Variants in PCDH11Y observed in about 807,000 individuals in gnomAD.
PCDH11Y encodes protocadherin 11 Y-linked, also known as protocadherin-11 Y-linked.
For synonymous variants in PCDH11Y, 9 were observed against 83.6 expected, an observed-to-expected ratio of 0.11 and a Z score of 4.87; for missense variants, 12 against 224.8, an observed-to-expected ratio of 0.05 and a Z score of 6.05.
intron 2 of PCDH11Y, among the ~76,000 whole-genome samples, chrY:5,407,808 G>A: frequency 6.6e-5 from 2 of 30,378 alleles, no homozygotes; most frequent in African/African-American, 1.3e-4. Context: ...CCAGCTACTC[G>A]GGAGGCTGAG....
At chrY:5,292,665 A>G in intron 2 of PCDH11Y, among the ~76,000 whole-genome samples, 3 of 33,403 alleles carry the variant, frequency 9.0e-5, no homozygotes, top group Non-Finnish European at 1.5e-4. Flanking sequence ...AGATTAGTAA[A>G]TTTTGATTAT....
At chrY:5,492,675 C>T (rs2053340010) in intron 2 of PCDH11Y, among the ~76,000 whole-genome samples, 14 of 25,444 alleles carry the variant, frequency 5.5e-4, no homozygotes, top group Admixed American at 1.2e-3. Flanking sequence ...CTCCCCACAA[C>T]TCCACCCACA....
chrY:5,280,964 G>T (rs2053053129), intron 2 of PCDH11Y, among the ~76,000 whole-genome samples: 15 of 31,041 alleles, frequency 4.8e-4, no homozygotes, highest in Admixed American at 4.1e-3. Context: ...TGTTTGTGTG[G>T]TTTTTTTTTG....
intron 2 of PCDH11Y, among the ~76,000 whole-genome samples, chrY:5,273,875 G>GT (rs2053040716): frequency 6.0e-5 from 2 of 33,477 alleles, no homozygotes; most frequent in Non-Finnish European, 1.5e-4. Context: ...AAAACATTTT[G>GT]TTTTTTTCTC....
At chrY:5,416,562 G>A in intron 2 of PCDH11Y, among the ~76,000 whole-genome samples, 1 of 32,839 alleles carries the variant, frequency 3.0e-5, no homozygotes, top group Non-Finnish European at 7.4e-5. Context: ...CTGCTCTCGT[G>A]TGTAACGGAG....
At chrY:5,426,864 C>A (rs2053263727) in intron 2 of PCDH11Y, among the ~76,000 whole-genome samples, 1 of 33,213 alleles carries the variant, frequency 3.0e-5, no homozygotes, top group South Asian at 6.5e-4. Context: ...GTAGAAATGG[C>A]AAGCATTTAC....
At chrY:5,705,941 T>G in intron 4 of PCDH11Y, among the ~76,000 whole-genome samples, 1 of 33,068 alleles carries the variant, frequency 3.0e-5, no homozygotes, top group East Asian at 7.7e-4. Flanking sequence ...TTGTACCACA[T>G]TTAACTAAAC....
intron 2 of PCDH11Y, among the ~76,000 whole-genome samples, chrY:5,280,871 A>AT (rs2053052889): frequency 6.1e-5 from 2 of 32,907 alleles, no homozygotes; most frequent in South Asian, 6.8e-4. Flanking sequence ...GATTTTGATC[A>AT]TTTTTTTCAT....
intron 4 of PCDH11Y, among the ~76,000 whole-genome samples, chrY:5,660,261 C>G (rs2124707114): frequency 3.1e-5 from 1 of 32,008 alleles, no homozygotes; most frequent in African/African-American, 1.2e-4. Flanking sequence ...TCTTAGCTGC[C>G]CTAGCTGGTG....
intron 2 of PCDH11Y, among the ~76,000 whole-genome samples, chrY:5,124,693 G>C: frequency 9.3e-5 from 3 of 32,090 alleles, no homozygotes; most frequent in African/African-American, 3.7e-4. Context: ...GATGAGTTCT[G>C]ATCTCCATAT....
intron 3 of PCDH11Y, among the ~76,000 whole-genome samples, chrY:5,543,430 C>A (rs2053409853): frequency 1.2e-4 from 4 of 34,424 alleles, no homozygotes; most frequent in African/African-American, 4.5e-4. Flanking sequence ...TAATACTATG[C>A]AATTTCCCAT....
At chrY:5,028,372 G>A (rs2052582310) in intron 1 of PCDH11Y, among the ~76,000 whole-genome samples, 1 of 33,901 alleles carries the variant, frequency 2.9e-5, no homozygotes, top group African/African-American at 1.1e-4. Flanking sequence ...ATAGATGTAT[G>A]CATTCTAAGG....
At chrY:5,635,125 A>G in intron 4 of PCDH11Y, among the ~76,000 whole-genome samples, 1 of 33,142 alleles carries the variant, frequency 3.0e-5, no homozygotes, top group African/African-American at 1.2e-4. Context: ...TGTTCTCTTG[A>G]AATGTTATAC....
intron 4 of PCDH11Y, among the ~76,000 whole-genome samples, chrY:5,728,583 A>G: frequency 3.0e-5 from 1 of 33,411 alleles, no homozygotes; most frequent in African/African-American, 1.2e-4. Flanking sequence ...TTGATAGTCT[A>G]TACAGATATT....
At chrY:5,372,263 T>TA (rs2053188151) in intron 2 of PCDH11Y, among the ~76,000 whole-genome samples, 1 of 33,040 alleles carries the variant, frequency 3.0e-5, no homozygotes, top group African/African-American at 1.2e-4. Flanking sequence ...TCAGATTTTT[T>TA]AAAAAAACTT....
intron 4 of PCDH11Y, among the ~76,000 whole-genome samples, chrY:5,655,764 T>G: frequency 1.2e-4 from 4 of 32,021 alleles, no homozygotes; most frequent in African/African-American, 2.4e-4. Context: ...TTTCAGAATC[T>G]TCTCCATATT....
intron 1 of PCDH11Y, among the ~76,000 whole-genome samples, chrY:5,094,090 C>A: frequency 1.2e-4 from 4 of 33,438 alleles, no homozygotes; most frequent in African/African-American, 4.6e-4. Context: ...AAACTTTTAA[C>A]TTTTTTGTAT....
At chrY:5,072,714 A>G in intron 1 of PCDH11Y, among the ~76,000 whole-genome samples, 4 of 33,534 alleles carry the variant, frequency 1.2e-4, no homozygotes, top group Admixed American at 2.7e-4. Flanking sequence ...GTAGTTTTTC[A>G]TATGATATTG....
At chrY:5,260,818 AGTCTG>A (rs2053017002) in intron 2 of PCDH11Y, among the ~76,000 whole-genome samples, 1 of 31,815 alleles carries the variant, frequency 3.1e-5, no homozygotes, top group Non-Finnish European at 7.6e-5. Context: ...TACTCTTCAC[AGTCTG>A]GGATTCTGTT....
Sources: gnomAD v4.1 joint callset for allele counts (sites outside exome capture counted in the v4.1 genomes callset) on GRCh38, gnomAD v4.1.1 for gene constraint, MANE v1.5 for transcripts, NCBI Gene and HGNC (gene_info 2026-07-23, HGNC 2026-07-21) for gene names.